The following PSTPIP2 variants were observed in gnomAD, a reference collection of about 807,000 sequenced individuals.
PSTPIP2 encodes the protein proline-serine-threonine phosphatase-interacting protein 2.
A neutral mutation model predicts 63.3 loss-of-function variants in PSTPIP2; 33 were observed. The observed-to-expected ratio is 0.52, with a 90% CI of 0.40 to 0.70. PSTPIP2 has a LOEUF of 0.70. Among genes scored for constraint, PSTPIP2 ranks in the 30% least tolerant of loss-of-function variants. The pLI is 0.00. For missense variants in PSTPIP2, 312 were observed against 400.7 expected (o/e 0.78, Z 1.89); for synonymous variants, 125 against 132.7 (o/e 0.94, Z 0.40).
chr18:46,061,356 G>A (rs1156839510), intron 1 of PSTPIP2, among the ~76,000 whole-genome samples: 1 of 151,944 alleles, frequency 6.6e-6, no homozygotes, highest in Non-Finnish European at 1.5e-5. Context: ...AAATGAGGCT[G>A]CTTCGCACTG....
intron 8 of PSTPIP2, among the ~76,000 whole-genome samples, chr18:45,998,054 C>A (rs1308575752): frequency 6.6e-6 from 1 of 152,058 alleles, no homozygotes; most frequent in Admixed American, 6.5e-5. Flanking sequence ...TTGGACCTAA[C>A]ATTGAGAAAG....
chr18:46,062,508 G>T (rs1909027523), intron 1 of PSTPIP2, among the ~76,000 whole-genome samples: 1 of 141,464 alleles, frequency 7.1e-6, no homozygotes, highest in South Asian at 2.3e-4. Flanking sequence ...AAAAGAAAAA[G>T]AAACTTGCCC....
At chr18:46,047,835 A>G (rs947787407) in intron 1 of PSTPIP2, among the ~76,000 whole-genome samples, 1 of 152,238 alleles carries the variant, frequency 6.6e-6, no homozygotes, top group Non-Finnish European at 1.5e-5. Flanking sequence ...GTTAAGACTA[A>G]TGGATTTAGT....
intron 2 of PSTPIP2, among the ~76,000 whole-genome samples, chr18:46,037,364 C>T (rs948482306): frequency 2.0e-4 from 31 of 152,138 alleles, no homozygotes; most frequent in Non-Finnish European, 2.8e-4. Flanking sequence ...TCAGGCTGGT[C>T]TCAAACTCTC....
At chr18:46,000,173 T>C (rs2051648132) in intron 6 of PSTPIP2, among the ~76,000 whole-genome samples, 2 of 152,010 alleles carry the variant, frequency 1.3e-5, no homozygotes, top group Non-Finnish European at 2.9e-5. Flanking sequence ...ACAATTAAAA[T>C]AGTTACGTAA....
chr18:45,991,769 T>G (rs2051535807), intron 12 of PSTPIP2, 133 bp downstream of exon 12: 2 of 838,488 alleles, frequency 2.4e-6, no homozygotes, highest in Non-Finnish European at 3.7e-6. Context: ...AAATACTATT[T>G]CCAAAAAGCA....
intron 10 of PSTPIP2, among the ~76,000 whole-genome samples, chr18:45,992,586 A>G (rs1367960578): frequency 6.6e-6 from 1 of 152,142 alleles, no homozygotes; most frequent in East Asian, 1.9e-4. Context: ...AAAAAACAAA[A>G]AAACATGGGT....
intron 1 of PSTPIP2, among the ~76,000 whole-genome samples, chr18:46,065,213 T>C (rs567741122): frequency 4.0e-5 from 6 of 149,640 alleles, no homozygotes; most frequent in Non-Finnish European, 7.4e-5. Context: ...TGCCAAACAG[T>C]GACAGAATAG....
intron 1 of PSTPIP2, among the ~76,000 whole-genome samples, chr18:46,061,218 C>A (rs537396828): frequency 6.6e-6 from 1 of 151,202 alleles, no homozygotes; most frequent in African/African-American, 2.4e-5. Context: ...GCAGGAGAAT[C>A]GTTTGAACCT....
intron 1 of PSTPIP2, among the ~76,000 whole-genome samples, chr18:46,057,107 G>A (rs1025668459): frequency 2.6e-5 from 4 of 151,804 alleles, no homozygotes; most frequent in Non-Finnish European, 5.9e-5. Context: ...CCATCTCAAA[G>A]GAAAAAAACT....
In PSTPIP2 at chr18:45,984,612, A is replaced by T. The variant is rs2051449400; in HGVS notation, c.*847T>A. 6.6e-6 allele frequency: 1 copy of T among 152,202 alleles called. No homozygotes were observed. The highest frequency in any genetic ancestry group is 2.4e-5 in the African/African-American group (1 of 41,438). 9.4% of individuals were successfully genotyped at this position (152,202 alleles called of 1,614,324 possible). On this transcript the variant is annotated 3_prime_UTR_variant, in exon 15 of 15. Coordinates refer to ENST00000409746, the MANE Select transcript of PSTPIP2 (RefSeq NM_024430.4). ...GCCATCAATAGTCTGTCCCAAGTTT[A>T]TTGGCAACTCCTCGACCCCACCTTC...
chr18:46,045,905 C>G (rs1373181230), intron 1 of PSTPIP2, among the ~76,000 whole-genome samples: 1 of 152,168 alleles, frequency 6.6e-6, no homozygotes, highest in Non-Finnish European at 1.5e-5. Context: ...CTTTGCATCA[C>G]TGCACTCCAA....
At chr18:46,028,967 T>A in intron 2 of PSTPIP2, 14 of 1,086,020 alleles carry the variant, frequency 1.3e-5, no homozygotes, top group Non-Finnish European at 1.9e-5. Context: ...GCTGCTCAGA[T>A]CTCATCTGTG....
intron 1 of PSTPIP2, among the ~76,000 whole-genome samples, chr18:46,046,167 GA>G (rs1024439855): frequency 2.0e-5 from 3 of 152,174 alleles, no homozygotes; most frequent in Non-Finnish European, 4.4e-5. Context: ...TTGGTGGGGG[GA>G]AAAGCCTCTA....
intron 1 of PSTPIP2, among the ~76,000 whole-genome samples, chr18:46,041,311 G>A (rs1037762291): frequency 4.6e-5 from 7 of 152,110 alleles, no homozygotes; most frequent in African/African-American, 1.7e-4. Context: ...GCAGTGGCAC[G>A]ATCTTGGCTC....
At chr18:46,046,107 G>A (rs1488649204) in intron 1 of PSTPIP2, among the ~76,000 whole-genome samples, 4 of 152,212 alleles carry the variant, frequency 2.6e-5, no homozygotes, top group Admixed American at 2.6e-4. Context: ...GCTATTCAAT[G>A]GGAAAATGGT....
chr18:46,029,446 G>A lies in PSTPIP2; in HGVS notation c.135-4760C>T, dbSNP rs370774112. Reference sequence around the variant, plus strand: ...TTTATGTTTGGGATGTGAACTCAAGGAGGTGCCTTAACAGATTTGTTGATT... The same window carrying A: ...TTTATGTTTGGGATGTGAACTCAAGAAGGTGCCTTAACAGATTTGTTGATT... On this transcript the variant is annotated intron_variant, in intron 2 of 14. Transcript: ENST00000409746. The A allele has an allele frequency of 1.1e-3, 1,499 of 1,324,726 alleles. 21 individuals carry two copies. The South Asian group carries it at 0.017, about 15-fold the overall frequency. The allele number at this position is 1,324,726 out of a possible 1,614,324, so 82.1% of individuals were successfully genotyped here.
chr18:45,998,596 C>T (rs1371782268), intron 8 of PSTPIP2, among the ~76,000 whole-genome samples, 198 bp downstream of exon 8: 2 of 152,116 alleles, frequency 1.3e-5, no homozygotes, highest in African/African-American at 4.8e-5. Flanking sequence ...CCTCTCTCCT[C>T]TTCTTTCCTT....
intron 3 of PSTPIP2, among the ~76,000 whole-genome samples, chr18:46,021,425 A>ATG (rs1406290894): frequency 2.8e-5 from 2 of 71,616 alleles, no homozygotes; most frequent in Non-Finnish European, 9.7e-5. Flanking sequence ...ATATATGTGT[A>ATG]TGTGTATATA....
Sources: gnomAD v4.1 joint callset for allele counts (sites outside exome capture counted in the v4.1 genomes callset) on GRCh38, gnomAD v4.1.1 for gene constraint, MANE v1.5 for transcripts, NCBI Gene and HGNC (gene_info 2026-07-23, HGNC 2026-07-21) for gene names.